The following LIG1 variants were observed in gnomAD, a reference collection of about 807,000 sequenced individuals.
LIG1 encodes the protein DNA ligase 1.
Under a neutral mutation model 115.7 loss-of-function variants are expected in LIG1, and 70 were observed. The observed-to-expected ratio is 0.60, with a 90% CI of 0.50 to 0.74. LIG1 has a LOEUF of 0.74. Among genes scored for constraint, LIG1 ranks in the 30% least tolerant of loss-of-function variants. LIG1 has a pLI of 0.00. For synonymous variants in LIG1, 487 were observed against 495.3 expected (o/e 0.98, Z 0.22); for missense variants, 1,115 against 1,225.6 (o/e 0.91, Z 1.35).
chr19:48,142,992 TGAG>T (rs1394807914), intron 11 of LIG1, among the ~76,000 whole-genome samples: 1 of 150,592 alleles, frequency 6.6e-6, no homozygotes, highest in Non-Finnish European at 1.5e-5. Flanking sequence ...GTGCTGGGGG[TGAG>T]GAGGACAAGG....
intron 9 of LIG1, among the ~76,000 whole-genome samples, chr19:48,149,174 G>A (rs765564947): frequency 2.6e-5 from 4 of 152,206 alleles, no homozygotes; most frequent in Non-Finnish European, 5.9e-5. Context: ...TCTGGGTGTG[G>A]TGGCATGCAC....
intron 4 of LIG1, among the ~76,000 whole-genome samples, chr19:48,160,945 C>G (rs2036137310): frequency 6.6e-6 from 1 of 152,082 alleles, no homozygotes; most frequent in Admixed American, 6.5e-5. Flanking sequence ...CTATGTTGCC[C>G]AGCCTGGTCT....
intron 1 of LIG1, among the ~76,000 whole-genome samples, chr19:48,166,162 C>T (rs1439447261): frequency 1.3e-5 from 2 of 152,136 alleles, no homozygotes; most frequent in Admixed American, 6.6e-5. Flanking sequence ...TTTGGGAGGC[C>T]GAGGTGGGTG....
chr19:48,117,937 A>T, intron 25 of LIG1, 156 bp from the exon 26 acceptor site: 1 of 737,874 alleles, frequency 1.4e-6, no homozygotes, highest in Non-Finnish European at 2.4e-6. Flanking sequence ...GAAACAAGAC[A>T]CCCCCTTGAA....
intron 6 of LIG1, among the ~76,000 whole-genome samples, chr19:48,152,374 C>T (rs1240225244): frequency 2.0e-5 from 3 of 152,210 alleles, no homozygotes; most frequent in East Asian, 1.9e-4. Flanking sequence ...CCACCCGCTT[C>T]GGCCTCCCAA....
rs1568538333 is a variant in LIG1 at position 48,153,689 on chromosome 19, CA to C, written c.466+182del. On this transcript the variant is annotated intron_variant, in intron 6 of 27. Transcript: ENST00000263274. Reference sequence around the variant, plus strand: ...ACACACACACACACACACACACACACACCTCTCCTTCTGGGGGCTCACCTTC... The same window carrying C: ...ACACACACACACACACACACACACACCCTCTCCTTCTGGGGGCTCACCTTC... Among the ~76,000 whole-genome samples, 162 of 129,288 alleles carry C rather than the reference CA, an allele frequency of 1.3e-3. 8 individuals carry two copies. Among genetic ancestry groups the C allele is most frequent in the African/African-American group, 4.4e-3 (145 of 32,700 alleles). The allele number at this position is 129,288 out of a possible 152,430, so 84.8% of individuals were successfully genotyped here.
rs1423467394 is a variant in LIG1 at position 48,136,051 on chromosome 19, A to G, written c.1406T>C (p.Leu469Pro). ...GAGCTCACCTTGGCCCGGGGGCGTG[A>G]GGCTCACTGCCTGGGAGAGGGCAGC... ...VLAALSQAVS[L>P]TPPGQEFPPA... The change falls in exon 15 of 28, where the codon CTC (leucine) becomes CCC (proline). Residue 469 changes from leucine (L) to proline (P), a missense_variant. Transcript: ENST00000263274. The G allele has an allele frequency of 6.4e-7, 1 of 1,567,768 alleles. No individual in the cohort carries two copies. Among genetic ancestry groups the G allele is most frequent in the Non-Finnish European group, 8.6e-7 (1 of 1,156,936 alleles).
intron 26 of LIG1, chr19:48,116,220 G>GATC: frequency 2.2e-6 from 1 of 448,554 alleles, no homozygotes; most frequent in Non-Finnish European, 4.2e-6. Flanking sequence ...GAGGCGGGTG[G>GATC]ATCACGAGGT....
At chr19:48,143,794 A>G (rs2034938180) in intron 10 of LIG1, 89 bp downstream of exon 10, 1 of 1,219,346 alleles carries the variant, frequency 8.2e-7, no homozygotes, top group Admixed American at 1.7e-5. Context: ...GAGAGACTTG[A>G]CCATTTCTCC....
rs1205009805 is a variant in LIG1, at chr19:48,137,792, T to G, written c.1088-104A>C. ...AATTTTCTCCAGCTGTGTGTGCTTG[T>G]GGCGAGTCCCTGCACCTCCCTGTGT... On this transcript the variant is annotated intron_variant, in intron 12 of 27. Coordinates refer to ENST00000263274, the MANE Select transcript of LIG1 (RefSeq NM_000234.3). The surrounding 1 kb of genome is among the most constrained non-coding windows in gnomAD (Gnocchi z 4.3). 1 of 1,413,398 alleles carries G rather than the reference T, an allele frequency of 7.1e-7. No homozygotes were observed. Among genetic ancestry groups the G allele is most frequent in the South Asian group, 1.2e-5 (1 of 81,658 alleles). 87.6% of individuals were successfully genotyped at this position (1,413,398 alleles called of 1,614,324 possible). A position where few individuals can be genotyped will look rare whatever the true frequency, so the allele number is the denominator to read the frequency against.
chr19:48,117,213 A>G (rs1354817416), intron 26 of LIG1, among the ~76,000 whole-genome samples: 1 of 152,114 alleles, frequency 6.6e-6, no homozygotes, highest in African/African-American at 2.4e-5. Flanking sequence ...AGGATGGAGT[A>G]CAGTGGTGTG....
intron 11 of LIG1, among the ~76,000 whole-genome samples, chr19:48,141,156 T>C (rs1210958521): frequency 2.6e-5 from 4 of 152,226 alleles, no homozygotes; most frequent in Admixed American, 6.5e-5. Context: ...CACCTTTTTT[T>C]TGAGACGGAG....
intron 4 of LIG1, among the ~76,000 whole-genome samples, chr19:48,160,987 T>C (rs190308913): frequency 6.6e-5 from 10 of 152,326 alleles, no homozygotes; most frequent in Admixed American, 5.9e-4. Context: ...TCCTCCCACG[T>C]TGGCCTCCCA....
intron 24 of LIG1, chr19:48,120,920 C>T: frequency 7.5e-7 from 1 of 1,327,840 alleles, no homozygotes. Flanking sequence ...TTATGTGAGC[C>T]ACCACTATTT....
Position 48,151,223 on chromosome 19 carries a change from G to C in LIG1, c.574+9C>G. On this transcript the variant is annotated intron_variant, in intron 7 of 27. Coordinates refer to ENST00000263274, the MANE Select transcript of LIG1 (RefSeq NM_000234.3). ...TGGGGCAGGGCGGAGGAGAGGACCA[G>C]AAACTCACTGGAGGTCTTTAGGGGC... 6.3e-7 allele frequency: 1 copy of C among 1,593,510 alleles called. No homozygotes were observed. Among genetic ancestry groups the C allele is most frequent in the Non-Finnish European group, 8.6e-7 (1 of 1,161,238 alleles).
Position 48,151,243 on chromosome 19 carries a change from A to T in LIG1, c.563T>A (p.Leu188Gln), listed in dbSNP as rs1337629627. Residue 188 changes from leucine (L) to glutamine (Q), a missense_variant, in exon 7 of 28, where the codon CTA (leucine) becomes CAA (glutamine). Transcript: ENST00000263274. ...GDQPTTPPKP[L>Q]KTSKAETPTE... ...GACCAGAAACTCACTGGAGGTCTTT[A>T]GGGGCTTGGGAGGCGTGGTGGGCTG... The T allele has an allele frequency of 2.5e-6, 4 of 1,612,206 alleles. No homozygotes were observed. The highest frequency in any genetic ancestry group is 1.1e-5 in the South Asian group (1 of 91,024).
chr19:48,120,685 G>A, intron 24 of LIG1: 1 of 499,748 alleles, frequency 2.0e-6, no homozygotes, highest in Non-Finnish European at 2.6e-6. Context: ...GGCTGAGGCT[G>A]ACTCAGGGTC....
chr19:48,161,593 C>T, intron 3 of LIG1, 86 bp from the exon 4 acceptor site: 1 of 1,473,914 alleles, frequency 6.8e-7, no homozygotes, highest in Non-Finnish European at 9.5e-7. Flanking sequence ...GGTTTCTTTG[C>T]TGTTTCCTTC....
At chr19:48,163,297 C>A (rs1188544629) in intron 2 of LIG1, among the ~76,000 whole-genome samples, 1 of 152,020 alleles carries the variant, frequency 6.6e-6, no homozygotes, top group East Asian at 1.9e-4. Context: ...TCTCGGCTCA[C>A]TGCAACCTCG....
Sources: gnomAD v4.1 joint callset for allele counts (sites outside exome capture counted in the v4.1 genomes callset) on GRCh38, gnomAD v4.1.1 for gene constraint, Gnocchi (gnomAD v3.1) non-coding constraint, MANE v1.5 for transcripts, NCBI Gene and HGNC (gene_info 2026-07-23, HGNC 2026-07-21) for gene names.